The following GRID2 variants were observed in gnomAD, a reference collection of about 807,000 sequenced individuals.
GRID2 encodes the protein glutamate receptor ionotropic, delta-2.
GRID2 carries 33 observed loss-of-function variants against 114.8 expected under a neutral mutation model. The observed-to-expected ratio is 0.29, with a 90% CI of 0.22 to 0.38. The LOEUF is 0.38. Among genes scored for constraint, GRID2 ranks in the 10% least tolerant of loss-of-function variants. GRID2 has a pLI of 1.00. For synonymous variants in GRID2, 505 were observed against 449.9 expected (o/e 1.12, Z -1.55); for missense variants, 1,184 against 1,257.7 (o/e 0.94, Z 0.89).
At chr4:93,001,668 G>C (rs1451900621) in intron 2 of GRID2, among the ~76,000 whole-genome samples, 1 of 151,652 alleles carries the variant, frequency 6.6e-6, no homozygotes, top group Non-Finnish European at 1.5e-5. Context: ...AATGAATGAT[G>C]GTCATGGGTT....
intron 14 of GRID2, among the ~76,000 whole-genome samples, chr4:93,655,578 T>C (rs116330215): frequency 1.2e-3 from 177 of 152,274 alleles, no homozygotes; most frequent in African/African-American, 4.1e-3. Context: ...GCTTACTCTA[T>C]TTCTAGAAAT....
Position 93,784,071 on chromosome 4 carries a change from CAAAAAAAAAA to C in GRID2, c.221+14640_221+14649del, listed in dbSNP as rs70942993. On this transcript the variant is annotated intron_variant, in intron 1 of 1. Coordinates refer to the GRID2 transcript ENST00000637838. ...TGGGCGACAGAGCGAGACTCCGTCT[CAAAAAAAAAA>C]AAAAAAAAAAAAAAAAAACCAACCC... 1.1e-3 allele frequency among the ~76,000 whole-genome samples: 43 copies of C among 38,990 alleles called. No individual in the cohort carries two copies. The East Asian group carries it at 0.027, about 25-fold the overall frequency. The allele number at this position is 38,990 out of a possible 152,430, so 25.6% of individuals were successfully genotyped here.
intron 1 of GRID2, among the ~76,000 whole-genome samples, chr4:92,533,967 T>C (rs1725481520): frequency 6.6e-6 from 1 of 152,000 alleles, no homozygotes; most frequent in African/African-American, 2.4e-5. Context: ...TAGAAGTATA[T>C]TTGTATTCTA....
chr4:93,128,985 T>C (rs1734551300), intron 4 of GRID2, among the ~76,000 whole-genome samples: 1 of 152,194 alleles, frequency 6.6e-6, no homozygotes, highest in African/African-American at 2.4e-5. Flanking sequence ...ATTCTCAAGA[T>C]ATATTGATTG....
intron 2 of GRID2, among the ~76,000 whole-genome samples, chr4:92,922,192 G>T (rs1251506475): frequency 6.6e-6 from 1 of 152,132 alleles, no homozygotes; most frequent in Non-Finnish European, 1.5e-5. Flanking sequence ...TAAGACAGTT[G>T]GAAAAGCACA....
At chr4:92,954,704 C>A (rs1037492877) in intron 2 of GRID2, among the ~76,000 whole-genome samples, 2 of 144,340 alleles carry the variant, frequency 1.4e-5, no homozygotes, top group Admixed American at 1.4e-4. Flanking sequence ...CATGCTGGTG[C>A]GCTGCACCCA....
At chr4:92,750,407 T>C (rs970901751) in intron 2 of GRID2, among the ~76,000 whole-genome samples, 1 of 152,202 alleles carries the variant, frequency 6.6e-6, no homozygotes, top group East Asian at 1.9e-4. Flanking sequence ...ATATGAAAAT[T>C]CAACATTTGT....
At chr4:93,188,881 T>G (rs1197784120) in intron 4 of GRID2, among the ~76,000 whole-genome samples, 5 of 152,146 alleles carry the variant, frequency 3.3e-5, no homozygotes, top group South Asian at 2.1e-4. Flanking sequence ...TCCTCAAGTT[T>G]CCAATGACAT....
intron 14 of GRID2, among the ~76,000 whole-genome samples, chr4:93,763,261 G>A (rs1018106558): frequency 2.0e-5 from 3 of 152,122 alleles, no homozygotes. Flanking sequence ...GAAGAATTGA[G>A]TAATTCTCTC....
chr4:93,658,882 G>C (rs1723243437), intron 14 of GRID2, among the ~76,000 whole-genome samples: 1 of 152,176 alleles, frequency 6.6e-6, no homozygotes, highest in African/African-American at 2.4e-5. Context: ...ATTTGTGCAA[G>C]AACTTGAGAG....
chr4:93,362,194 T>A (rs1221644341), intron 8 of GRID2, among the ~76,000 whole-genome samples: 1 of 152,126 alleles, frequency 6.6e-6, no homozygotes, highest in African/African-American at 2.4e-5. Flanking sequence ...CGATACTAGA[T>A]TTTCCTGTGA....
chr4:92,686,981 G>A (rs906231082), intron 2 of GRID2, among the ~76,000 whole-genome samples: 1 of 152,044 alleles, frequency 6.6e-6, no homozygotes, highest in African/African-American at 2.4e-5. Flanking sequence ...TTCCTTCTCT[G>A]TCTTGTCATT....
chr4:93,444,441 C>G (rs1721905530), intron 10 of GRID2, among the ~76,000 whole-genome samples: 3 of 151,906 alleles, frequency 2.0e-5, no homozygotes, highest in Non-Finnish European at 4.4e-5. Flanking sequence ...GTTTTTGTCA[C>G]TATTGTGCTG....
chr4:93,293,275 G>A (rs754755379), intron 8 of GRID2, among the ~76,000 whole-genome samples: 1 of 152,196 alleles, frequency 6.6e-6, no homozygotes, highest in Admixed American at 6.5e-5. Flanking sequence ...GAGCATTTAT[G>A]TGGCTGGACA....
intron 8 of GRID2, among the ~76,000 whole-genome samples, chr4:93,253,646 C>T (rs1242585939): frequency 2.0e-5 from 3 of 151,962 alleles, no homozygotes; most frequent in African/African-American, 7.2e-5. Context: ...GACTAAAAAA[C>T]AAACAACAAA....
intron 14 of GRID2, among the ~76,000 whole-genome samples, chr4:93,730,716 G>T (rs1386719203): frequency 6.6e-6 from 1 of 152,210 alleles, no homozygotes; most frequent in Non-Finnish European, 1.5e-5. Context: ...AAAGAGCCAG[G>T]AGTGGAAAAG....
intron 1 of GRID2, among the ~76,000 whole-genome samples, chr4:92,448,261 A>G (rs7674059): frequency 0.018 from 2,708 of 151,724 alleles, 96 homozygotes; most frequent in African/African-American, 0.063. Flanking sequence ...TGCAACCTCT[A>G]CCTCTCGGGT....
intron 11 of GRID2, among the ~76,000 whole-genome samples, chr4:93,468,833 T>A (rs906105045): frequency 6.6e-6 from 1 of 152,132 alleles, no homozygotes; most frequent in African/African-American, 2.4e-5. Context: ...ATTTTCCACA[T>A]CTGGCATATT....
At chr4:93,739,060 G>T (rs1731157314) in intron 14 of GRID2, among the ~76,000 whole-genome samples, 2 of 151,972 alleles carry the variant, frequency 1.3e-5, no homozygotes, top group Non-Finnish European at 2.9e-5. Flanking sequence ...TCTGAATCTG[G>T]GTCAGTCAGG....
Sources: allele counts gnomAD v4.1 joint callset (sites outside exome capture counted in the v4.1 genomes callset), GRCh38; gene constraint gnomAD v4.1.1; transcripts MANE v1.5; gene names NCBI Gene and HGNC (gene_info 2026-07-23, HGNC 2026-07-21).